Variants in ATP6V1H observed in about 807,000 individuals in gnomAD.
ATP6V1H encodes the protein V-type proton ATPase subunit H.
Under a neutral mutation model 71.7 loss-of-function variants are expected in ATP6V1H, and 39 were observed. The ratio of observed to expected loss-of-function variants is 0.54; its 90% confidence interval spans 0.42 to 0.71. The LOEUF (loss-of-function observed/expected upper bound fraction) is 0.71, where lower values mean the gene tolerates loss of function less well. ATP6V1H is among the 30% of genes least tolerant of loss of function. ATP6V1H has a pLI of 0.00. For missense variants in ATP6V1H, 509 were observed against 594.9 expected (o/e 0.86, Z 1.50); for synonymous variants, 192 against 199.3 (o/e 0.96, Z 0.31).
At chr8:53,800,362 C>G (rs1010867589) in intron 8 of ATP6V1H, among the ~76,000 whole-genome samples, 13 of 152,146 alleles carry the variant, frequency 8.5e-5, no homozygotes, top group Admixed American at 7.2e-4. Context: ...GCTGAGAATT[C>G]AGAATTTTTT....
intron 13 of ATP6V1H, among the ~76,000 whole-genome samples, chr8:53,740,703 T>C (rs1807376582): frequency 6.6e-6 from 1 of 152,174 alleles, no homozygotes. Context: ...AGAAAGGTAG[T>C]CTTTATGAGT....
chr8:53,837,381 C>G (rs1245170264), intron 2 of ATP6V1H, among the ~76,000 whole-genome samples: 1 of 152,098 alleles, frequency 6.6e-6, no homozygotes, highest in Non-Finnish European at 1.5e-5. Context: ...TAAATAGGGA[C>G]CCCTCTTTTC....
At chr8:53,717,268 A>G (rs900723381) in intron 13 of ATP6V1H, among the ~76,000 whole-genome samples, 8 of 152,188 alleles carry the variant, frequency 5.3e-5, no homozygotes, top group African/African-American at 1.9e-4. Flanking sequence ...GAAAAGACAG[A>G]AGCACTGGGA....
intron 11 of ATP6V1H, among the ~76,000 whole-genome samples, chr8:53,768,241 C>T (rs541063383): frequency 1.3e-5 from 2 of 152,276 alleles, no homozygotes; most frequent in South Asian, 2.1e-4. Flanking sequence ...GATATCACTG[C>T]ACACTCACTC....
At position 53,811,223 on chromosome 8, in the gene ATP6V1H, A is replaced by C. The variant is rs371171697; in HGVS notation, c.526-6T>G. ...ACACCGCTACCACGCAGTTTCTATT[A>C]CGAAATAAATAACTCATTATTTAGT... On this transcript the variant is annotated splice_polypyrimidine_tract_variant and splice_region_variant and intron_variant, in intron 6 of 13. Coordinates refer to ENST00000359530, the MANE Select transcript of ATP6V1H (RefSeq NM_015941.4). 37 of 1,612,306 alleles carry C rather than the reference A, an allele frequency of 2.3e-5. No individual in the cohort carries two copies. The African/African-American group carries it at 4.1e-4, about 18-fold the overall frequency.
chr8:53,785,372 G>C (rs962429980), intron 9 of ATP6V1H, among the ~76,000 whole-genome samples: 102 of 152,112 alleles, frequency 6.7e-4, no homozygotes, highest in African/African-American at 2.4e-3. Flanking sequence ...TTCTCGTGCC[G>C]TGGTTTTCAG....
chr8:53,755,978 C>T (rs1384966296), intron 12 of ATP6V1H, among the ~76,000 whole-genome samples: 3 of 143,174 alleles, frequency 2.1e-5, no homozygotes, highest in South Asian at 2.2e-4. Context: ...GGGATGGTCT[C>T]GATCTCCTGA....
intron 4 of ATP6V1H, among the ~76,000 whole-genome samples, chr8:53,823,288 A>G (rs1810719677): frequency 6.6e-6 from 1 of 152,242 alleles, no homozygotes. Context: ...TTTTTAAAAC[A>G]TGATATTTTG....
chr8:53,769,816 G>A, intron 10 of ATP6V1H, 73 bp from the exon 11 acceptor site: 1 of 1,295,874 alleles, frequency 7.7e-7, no homozygotes, highest in Non-Finnish European at 1.1e-6. Context: ...AAAATAAAAT[G>A]TCTTCACTTA....
chr8:53,764,305 A>G (rs1445094656), intron 11 of ATP6V1H, among the ~76,000 whole-genome samples: 1 of 152,222 alleles, frequency 6.6e-6, no homozygotes, highest in Non-Finnish European at 1.5e-5. Context: ...ATCAAATCTA[A>G]TAACATATAA....
chr8:53,817,815 A>G (rs1810500242), intron 4 of ATP6V1H, among the ~76,000 whole-genome samples: 1 of 152,192 alleles, frequency 6.6e-6, no homozygotes, highest in Non-Finnish European at 1.5e-5. Flanking sequence ...GCTACTCCCA[A>G]TGTAACAGGT....
At chr8:53,727,629 C>T (rs1396368127) in intron 13 of ATP6V1H, among the ~76,000 whole-genome samples, 1 of 152,238 alleles carries the variant, frequency 6.6e-6, no homozygotes, top group Non-Finnish European at 1.5e-5. Flanking sequence ...GTTCTACACA[C>T]ATTTTTTCAG....
At chr8:53,794,309 G>T (rs191931802) in intron 9 of ATP6V1H, among the ~76,000 whole-genome samples, 1 of 152,100 alleles carries the variant, frequency 6.6e-6, no homozygotes, top group African/African-American at 2.4e-5. Flanking sequence ...ACTATATTTG[G>T]CAAATGTGTT....
intron 4 of ATP6V1H, among the ~76,000 whole-genome samples, chr8:53,818,697 A>G (rs1810534106): frequency 6.6e-6 from 1 of 152,340 alleles, no homozygotes; most frequent in Non-Finnish European, 1.5e-5. Context: ...CCATGCAAAG[A>G]AAACAATTTA....
At chr8:53,749,699 G>A (rs191487301) in intron 12 of ATP6V1H, among the ~76,000 whole-genome samples, 11 of 150,822 alleles carry the variant, frequency 7.3e-5, no homozygotes, top group Non-Finnish European at 8.8e-5. Context: ...GTAAAATGGG[G>A]AATTCCTGGA....
rs753829748 is a variant in ATP6V1H at position 53,715,923 on chromosome 8, C to G, written c.*41G>C. On this transcript the variant is annotated 3_prime_UTR_variant, in exon 14 of 14. Transcript: ENST00000359530. ...AACTCTAAACACAGTGCTCCCACTA[C>G]TGGTTCTGCATTGAGGCGGAGGGGA... is the stretch of plus-strand genomic sequence containing the variant. 6.3e-7 allele frequency: 1 copy of G among 1,583,534 alleles called. No homozygotes were observed. The highest frequency in any genetic ancestry group is 8.6e-7 in the Non-Finnish European group (1 of 1,159,700).
At chr8:53,820,578 G>A (rs929721588) in intron 4 of ATP6V1H, among the ~76,000 whole-genome samples, 1 of 150,910 alleles carries the variant, frequency 6.6e-6, no homozygotes, top group Admixed American at 6.6e-5. Flanking sequence ...GAGGTGCGAG[G>A]ATCGTTTGAA....
At chr8:53,735,446 A>G (rs1285868803) in intron 13 of ATP6V1H, among the ~76,000 whole-genome samples, 1 of 152,238 alleles carries the variant, frequency 6.6e-6, no homozygotes, top group Non-Finnish European at 1.5e-5. Context: ...GGTAAAACAC[A>G]TAAACTGGCA....
chr8:53,770,794 C>T (rs529740415), intron 10 of ATP6V1H, among the ~76,000 whole-genome samples: 1 of 152,014 alleles, frequency 6.6e-6, no homozygotes, highest in African/African-American at 2.4e-5. Flanking sequence ...TTTGCAAAAA[C>T]AGGCCTTAAA....
Sources: allele counts gnomAD v4.1 joint callset (sites outside exome capture counted in the v4.1 genomes callset), GRCh38; gene constraint gnomAD v4.1.1; transcripts MANE v1.5; gene names NCBI Gene and HGNC (gene_info 2026-07-23, HGNC 2026-07-21).